NCOA3: variants seen among roughly 807,000 people sequenced by gnomAD.
The protein encoded by NCOA3 is nuclear receptor coactivator 3, also known as CBP-interacting protein.
NCOA3 carries 51 observed loss-of-function variants against 158.8 expected under a neutral mutation model. That is an observed-to-expected ratio of 0.32 (90% CI 0.26 to 0.41). The LOEUF (loss-of-function observed/expected upper bound fraction) is 0.41, where lower values mean the gene tolerates loss of function less well. Ranked by LOEUF, NCOA3 falls within the 10% of genes least tolerant of loss-of-function variation. NCOA3 has a pLI of 1.00. For missense variants in NCOA3, 1,510 were observed against 1,746.6 expected (o/e 0.86, Z 2.41); for synonymous variants, 537 against 592.4 (o/e 0.91, Z 1.36).
At chr20:47,550,610 A>G (rs1485168476) in intron 1 of NCOA3, among the ~76,000 whole-genome samples, 2 of 152,172 alleles carry the variant, frequency 1.3e-5, no homozygotes, top group African/African-American at 2.4e-5. Context: ...AAGTTAATCA[A>G]ATTGCTCTCT....
At chr20:47,617,621 T>C (rs1406858139) in intron 2 of NCOA3, among the ~76,000 whole-genome samples, 2 of 152,204 alleles carry the variant, frequency 1.3e-5, no homozygotes, top group Non-Finnish European at 2.9e-5. Context: ...CCATTTTTGA[T>C]TTTTTGTTTA....
intron 1 of NCOA3, among the ~76,000 whole-genome samples, chr20:47,545,749 CTG>C (rs1383474141): frequency 6.6e-6 from 1 of 151,116 alleles, no homozygotes; most frequent in African/African-American, 2.4e-5. Context: ...CGGTCTCGGT[CTG>C]TCGCCTAGGC....
chr20:47,649,933 C>T (rs2086754692), intron 19 of NCOA3, among the ~76,000 whole-genome samples: 1 of 151,796 alleles, frequency 6.6e-6, no homozygotes, highest in Non-Finnish European at 1.5e-5. Flanking sequence ...TTGCCCCTTA[C>T]CTCTTTCTGA....
chr20:47,654,440 T>G lies in NCOA3; in HGVS notation c.*1023T>G, dbSNP rs1377587872. The G allele has an allele frequency of 6.6e-6, 1 of 152,646 alleles. No homozygotes were observed. Among genetic ancestry groups the G allele is most frequent in the African/African-American group, 2.4e-5 (1 of 41,450 alleles). 9.5% of individuals were successfully genotyped at this position (152,646 alleles called of 1,614,324 possible). ...TAAAATATGTATATACCTTTTTTTG[T>G]AGGTCACAACAACTCATTTTTACAG... On this transcript the variant is annotated 3_prime_UTR_variant, in exon 23 of 23. Transcript: ENST00000371998.
In NCOA3 at chr20:47,655,936, G is replaced by A. The variant is rs1363206600; in HGVS notation, c.*2519G>A. 6.6e-6 allele frequency: 1 copy of A among 151,900 alleles called. No individual in the cohort carries two copies. Among genetic ancestry groups the A allele is most frequent in the Non-Finnish European group, 1.5e-5 (1 of 67,892 alleles). The allele number at this position is 151,900 out of a possible 1,614,324, so 9.4% of individuals were successfully genotyped here. A position where few individuals can be genotyped will look rare whatever the true frequency, so the allele number is the denominator to read the frequency against. On this transcript the variant is annotated 3_prime_UTR_variant, in exon 23 of 23. Transcript: ENST00000371998. ...GCAAACTCAAGATTTCTTTTAATAGGTGCAGTCTTTGAGATAATTTGTTTT... is the reference window on the plus strand; with the variant it reads ...GCAAACTCAAGATTTCTTTTAATAGATGCAGTCTTTGAGATAATTTGTTTT...
intron 1 of NCOA3, among the ~76,000 whole-genome samples, chr20:47,548,181 A>G (rs1014232008): frequency 3.3e-5 from 5 of 152,056 alleles, no homozygotes; most frequent in African/African-American, 1.2e-4. Flanking sequence ...TGTCATATAT[A>G]TAAGAGAATT....
chr20:47,514,714 T>G (rs2084203813), intron 1 of NCOA3, among the ~76,000 whole-genome samples: 1 of 99,292 alleles, frequency 1.0e-5, no homozygotes, highest in Non-Finnish European at 2.0e-5. Flanking sequence ...TGTTTTTTGC[T>G]TTTTTTTTTT....
intron 1 of NCOA3, among the ~76,000 whole-genome samples, chr20:47,513,308 G>A (rs1369061132): frequency 6.6e-6 from 1 of 152,162 alleles, no homozygotes; most frequent in Non-Finnish European, 1.5e-5. Flanking sequence ...ACGCAGAGAA[G>A]CTGCTTACTT....
At chr20:47,515,356 T>C (rs867792231) in intron 1 of NCOA3, among the ~76,000 whole-genome samples, 2 of 151,410 alleles carry the variant, frequency 1.3e-5, no homozygotes, top group Non-Finnish European at 2.9e-5. Flanking sequence ...AGAGATGGGG[T>C]TTCACTGTCT....
chr20:47,556,323 TGTGGCAA>T (rs2085006767), intron 1 of NCOA3, among the ~76,000 whole-genome samples: 1 of 152,240 alleles, frequency 6.6e-6, no homozygotes, highest in African/African-American at 2.4e-5. Flanking sequence ...GAACTGTTTA[TGTGGCAA>T]GTAATTAGCA....
At chr20:47,539,881 C>A (rs540504268) in intron 1 of NCOA3, among the ~76,000 whole-genome samples, 1 of 152,314 alleles carries the variant, frequency 6.6e-6, no homozygotes, top group East Asian at 1.9e-4. Flanking sequence ...TAATTGGATA[C>A]TGCCAATAAC....
chr20:47,530,442 T>C (rs1418363667), intron 1 of NCOA3, among the ~76,000 whole-genome samples: 1 of 150,504 alleles, frequency 6.6e-6, no homozygotes, highest in African/African-American at 2.4e-5. Context: ...TTTGATTCAA[T>C]AAATTTTTAA....
chr20:47,584,858 A>G (rs992806001), intron 2 of NCOA3, among the ~76,000 whole-genome samples: 2 of 152,108 alleles, frequency 1.3e-5, no homozygotes, highest in African/African-American at 4.8e-5. Context: ...ATATGTATAT[A>G]CATACAAATA....
intron 2 of NCOA3, among the ~76,000 whole-genome samples, chr20:47,592,294 C>T (rs2085657061): frequency 6.6e-6 from 1 of 152,150 alleles, no homozygotes; most frequent in Admixed American, 6.5e-5. Context: ...ATCCATCTGC[C>T]CCAGCCTCCC....
At position 47,520,248 on chromosome 20, in the gene NCOA3, C is replaced by G. The variant is rs72661185; in HGVS notation, c.-99+18229C>G. Among the ~76,000 whole-genome samples the G allele has an allele frequency of 7.2e-3, 1,076 of 150,446 alleles. 21 individuals carry two copies. The highest frequency in any genetic ancestry group is 0.025 in the African/African-American group (1,019 of 41,190). On this transcript the variant is annotated intron_variant, in intron 1 of 22. Coordinates refer to ENST00000371998, the MANE Select transcript of NCOA3 (RefSeq NM_181659.3). ...AAATTTACCCTGGCTTTTAAAGGAA[C>G]AGGGTACACTGTTTTCTCTTTACTG...
intron 1 of NCOA3, among the ~76,000 whole-genome samples, chr20:47,529,105 A>T (rs899707594): frequency 1.0e-4 from 15 of 149,598 alleles, no homozygotes; most frequent in East Asian, 5.9e-4. Context: ...TACTCAACTC[A>T]ATTTATTTAT....
chr20:47,531,530 C>T (rs2061108770), intron 1 of NCOA3, among the ~76,000 whole-genome samples: 1 of 152,186 alleles, frequency 6.6e-6, no homozygotes. Flanking sequence ...CATATTAATG[C>T]AGAAGTATAT....
At chr20:47,562,566 A>G (rs1364225782) in intron 1 of NCOA3, among the ~76,000 whole-genome samples, 1 of 151,984 alleles carries the variant, frequency 6.6e-6, no homozygotes, top group Non-Finnish European at 1.5e-5. Flanking sequence ...TGTGTTGGCA[A>G]ATGAGGGTCA....
intron 1 of NCOA3, among the ~76,000 whole-genome samples, chr20:47,548,884 A>G (rs2084881543): frequency 6.6e-6 from 1 of 152,248 alleles, no homozygotes; most frequent in African/African-American, 2.4e-5. Context: ...TGATAAAATC[A>G]ATAGCATTTT....
Sources: allele counts gnomAD v4.1 joint callset (sites outside exome capture counted in the v4.1 genomes callset), GRCh38; gene constraint gnomAD v4.1.1; transcripts MANE v1.5; gene names NCBI Gene and HGNC (gene_info 2026-07-23, HGNC 2026-07-21).